The following TCAIM variants were observed in gnomAD, a reference collection of about 807,000 sequenced individuals.
The protein encoded by TCAIM is T-cell activation inhibitor, mitochondrial.
TCAIM carries 36 observed loss-of-function variants against 58.6 expected under a neutral mutation model. That is an observed-to-expected ratio of 0.61 (90% CI 0.47 to 0.81). The LOEUF is 0.81. Ranked by LOEUF, TCAIM falls within the 30% of genes least tolerant of loss-of-function variation. The pLI, the probability that TCAIM is intolerant of heterozygous loss-of-function variation, is 0.00. For missense variants in TCAIM, 466 were observed against 579.6 expected (o/e 0.80, Z 2.01); for synonymous variants, 172 against 193.6 (o/e 0.89, Z 0.93).
At chr3:44,403,680 C>T (rs1702056689) in intron 10 of TCAIM, among the ~76,000 whole-genome samples, 1 of 152,114 alleles carries the variant, frequency 6.6e-6, no homozygotes, top group Non-Finnish European at 1.5e-5. Context: ...TCAAATAGGT[C>T]AATTTGTGAA....
At chr3:44,401,079 G>A in intron 9 of TCAIM, 124 bp from the exon 10 acceptor site, 1 of 1,377,804 alleles carries the variant, frequency 7.3e-7, no homozygotes, top group Non-Finnish European at 9.7e-7. Context: ...CAATGTTGCT[G>A]TACTTTTGAG....
intron 6 of TCAIM, among the ~76,000 whole-genome samples, chr3:44,393,272 A>G (rs1701868453): frequency 6.6e-6 from 1 of 152,046 alleles, no homozygotes; most frequent in South Asian, 2.1e-4. Context: ...AGCCTGGGCA[A>G]CATATAGAGA....
At chr3:44,372,546 A>T (rs925789566) in intron 5 of TCAIM, among the ~76,000 whole-genome samples, 2 of 151,512 alleles carry the variant, frequency 1.3e-5, no homozygotes, top group Non-Finnish European at 2.9e-5. Flanking sequence ...TATCAATCTG[A>T]TCTCTTGATT....
chr3:44,346,695 T>G (rs1700976795), intron 1 of TCAIM, among the ~76,000 whole-genome samples: 1 of 152,122 alleles, frequency 6.6e-6, no homozygotes, highest in Non-Finnish European at 1.5e-5. Context: ...TAGTTTGTGA[T>G]TTTGAGGGCC....
intron 2 of TCAIM, among the ~76,000 whole-genome samples, chr3:44,357,203 G>A (rs549395084): frequency 6.6e-6 from 1 of 152,070 alleles, no homozygotes; most frequent in Non-Finnish European, 1.5e-5. Context: ...CCAGCAGTTT[G>A]AGATCAGCAA....
intron 5 of TCAIM, among the ~76,000 whole-genome samples, chr3:44,388,716 G>T (rs912774422): frequency 1.3e-5 from 2 of 152,082 alleles, no homozygotes; most frequent in Non-Finnish European, 2.9e-5. Context: ...TGGTTGCCAC[G>T]TGTTGATTTC....
rs201420059 is a variant in TCAIM at position 44,367,440 on chromosome 3, G to A, written c.320-16G>A. 2 of 1,592,540 alleles carry A rather than the reference G, an allele frequency of 1.3e-6. No homozygotes were observed. Among genetic ancestry groups the A allele is most frequent in the Non-Finnish European group, 1.7e-6 (2 of 1,166,858 alleles). ...AATCATCTGTATTAATTGTTTGGGGGAATTATATTCTCTAGGATTTCGAGC... is the reference window on the plus strand; with the variant it reads ...AATCATCTGTATTAATTGTTTGGGGAAATTATATTCTCTAGGATTTCGAGC... On this transcript the variant is annotated splice_polypyrimidine_tract_variant and intron_variant, in intron 4 of 10. Coordinates refer to ENST00000342649, the MANE Select transcript of TCAIM (RefSeq NM_173826.4).
chr3:44,372,548 C>T (rs957091746), intron 5 of TCAIM, among the ~76,000 whole-genome samples: 2 of 151,536 alleles, frequency 1.3e-5, no homozygotes, highest in Non-Finnish European at 2.9e-5. Flanking sequence ...TCAATCTGAT[C>T]TCTTGATTTA....
At chr3:44,364,737 C>T (rs1166044740) in intron 4 of TCAIM, among the ~76,000 whole-genome samples, 7 of 149,782 alleles carry the variant, frequency 4.7e-5, no homozygotes, top group Admixed American at 6.6e-5. Flanking sequence ...CAGAGTGAGA[C>T]CCTGTCTCAA....
At chr3:44,384,454 A>T (rs747844674) in intron 5 of TCAIM, among the ~76,000 whole-genome samples, 1 of 152,246 alleles carries the variant, frequency 6.6e-6, no homozygotes. Context: ...TAAAAGACTC[A>T]TCTTTCCCTC....
intron 6 of TCAIM, among the ~76,000 whole-genome samples, chr3:44,394,836 G>A (rs6772705): frequency 7.3e-6 from 1 of 136,222 alleles, no homozygotes; most frequent in Non-Finnish European, 1.5e-5. Flanking sequence ...AGAGGTTGCA[G>A]TGAGCCGAGA....
chr3:44,360,213 A>T (rs1701273663), intron 3 of TCAIM, among the ~76,000 whole-genome samples: 1 of 149,952 alleles, frequency 6.7e-6, no homozygotes, highest in Non-Finnish European at 1.5e-5. Context: ...CTATTTCCTT[A>T]TTTGTGAGGT....
At chr3:44,376,828 C>T (rs1301395476) in intron 5 of TCAIM, among the ~76,000 whole-genome samples, 1 of 152,208 alleles carries the variant, frequency 6.6e-6, no homozygotes, top group Non-Finnish European at 1.5e-5. Context: ...GTGGCTCACG[C>T]CTGTAATCCC....
chr3:44,339,862 T>G (rs1036225575), intron 1 of TCAIM: 1 of 152,252 alleles, frequency 6.6e-6, no homozygotes, highest in South Asian at 2.1e-4. Context: ...TAAAAGTCTT[T>G]TGAGTATTAG....
At chr3:44,405,369 T>A (rs148254956) in intron 10 of TCAIM, among the ~76,000 whole-genome samples, 157 of 152,320 alleles carry the variant, frequency 1.0e-3, no homozygotes, top group African/African-American at 3.6e-3. Context: ...GATACTTGCA[T>A]GTAGTAGAAA....
intron 5 of TCAIM, among the ~76,000 whole-genome samples, chr3:44,386,065 G>A (rs1487128665): frequency 6.6e-6 from 1 of 151,100 alleles, no homozygotes; most frequent in Non-Finnish European, 1.5e-5. Context: ...TGCAGGAATA[G>A]GGCCAGGCAG....
chr3:44,364,569 C>T (rs374467779), intron 4 of TCAIM, among the ~76,000 whole-genome samples: 1 of 151,960 alleles, frequency 6.6e-6, no homozygotes, highest in Non-Finnish European at 1.5e-5. Context: ...AGCAAAACCC[C>T]GTCTCTACTA....
chr3:44,375,301 A>AT (rs1195720607), intron 5 of TCAIM, among the ~76,000 whole-genome samples: 3 of 152,186 alleles, frequency 2.0e-5, no homozygotes, highest in African/African-American at 4.8e-5. Context: ...ATGGTTCTGC[A>AT]GGCTGTACAA....
rs951800254 is a variant in TCAIM at position 44,401,085 on chromosome 3, T to C, written c.1119-118T>C. On this transcript the variant is annotated intron_variant, in intron 9 of 10. Coordinates refer to ENST00000342649, the MANE Select transcript of TCAIM (RefSeq NM_173826.4). ...GCTTTAAGTCAATGTTGCTGTACTT[T>C]TGAGGTGGCTTTTCTTGATGATTTT... The C allele has an allele frequency of 3.5e-6, 5 of 1,423,204 alleles. No homozygotes were observed. In the South Asian group the frequency reaches 5.7e-5, roughly 16 times the overall value. The allele number at this position is 1,423,204 out of a possible 1,614,324, so 88.2% of individuals were successfully genotyped here.
Sources: allele counts gnomAD v4.1 joint callset (sites outside exome capture counted in the v4.1 genomes callset), GRCh38; gene constraint gnomAD v4.1.1; transcripts MANE v1.5; gene names NCBI Gene and HGNC (gene_info 2026-07-23, HGNC 2026-07-21).